TMTC1: variants seen among roughly 807,000 people sequenced by gnomAD.
TMTC1 encodes transmembrane O-mannosyltransferase targeting cadherins 1, also known as protein O-mannosyl-transferase TMTC1.
A neutral mutation model predicts 104.8 loss-of-function variants in TMTC1; 73 were observed. That is an observed-to-expected ratio of 0.70 (90% CI 0.58 to 0.85). The LOEUF (loss-of-function observed/expected upper bound fraction) is 0.85, where lower values mean the gene tolerates loss of function less well. Ranked by LOEUF, TMTC1 falls within the 40% of genes least tolerant of loss-of-function variation. The pLI, the probability that TMTC1 is intolerant of heterozygous loss-of-function variation, is 0.00. For synonymous variants in TMTC1, 434 were observed against 428.7 expected, an observed-to-expected ratio of 1.01 and a Z score of -0.15; for missense variants, 1,035 against 1,096.1, an observed-to-expected ratio of 0.94 and a Z score of 0.79.
At chr12:29,514,114 G>A (rs1428093334) in intron 16 of TMTC1, among the ~76,000 whole-genome samples, 2 of 152,002 alleles carry the variant, frequency 1.3e-5, no homozygotes, top group East Asian at 3.9e-4. Context: ...GTCAAGAGAG[G>A]GCATTTCAAG....
chr12:29,688,815 A>AC (rs1591928278), intron 5 of TMTC1, among the ~76,000 whole-genome samples: 2 of 151,948 alleles, frequency 1.3e-5, no homozygotes, highest in Non-Finnish European at 2.9e-5. Flanking sequence ...TTACAACCCA[A>AC]CCCCCAACCC....
chr12:29,586,677 C>T (rs1946143128), intron 7 of TMTC1, among the ~76,000 whole-genome samples: 1 of 150,408 alleles, frequency 6.6e-6, no homozygotes, highest in Non-Finnish European at 1.5e-5. Context: ...GCCTTTTCTG[C>T]ATCTATTGAG....
At chr12:29,718,233 G>A (rs1942138058) in intron 5 of TMTC1, among the ~76,000 whole-genome samples, 1 of 152,204 alleles carries the variant, frequency 6.6e-6, no homozygotes, top group African/African-American at 2.4e-5. Flanking sequence ...TTGAAGATGG[G>A]AACAGTATGA....
rs573865660 is a variant in TMTC1, at chr12:29,752,777, AAC to A, written c.732-907_732-906del. On this transcript the variant is annotated intron_variant, in intron 4 of 17. Transcript: ENST00000539277. ...TGTAAAGTTTGAAAGTATGTAAAAT[AAC>A]ACTTTTGCTATTCACTAGCATGTGT... 5.9e-5 allele frequency among the ~76,000 whole-genome samples: 9 copies of A among 152,324 alleles called. No individual in the cohort carries two copies. The East Asian group carries it at 1.7e-3, about 29-fold the overall frequency.
At chr12:29,711,212 C>G (rs1941916689) in intron 5 of TMTC1, among the ~76,000 whole-genome samples, 1 of 151,898 alleles carries the variant, frequency 6.6e-6, no homozygotes, top group African/African-American at 2.4e-5. Flanking sequence ...CTCCTGGCCT[C>G]AAGCAATCCT....
chr12:29,532,612 A>G (rs941429617), intron 11 of TMTC1: 2 of 152,278 alleles, frequency 1.3e-5, no homozygotes, highest in African/African-American at 2.4e-5. Context: ...GGATACAAAC[A>G]GTGTATAAAT....
chr12:29,523,546 G>A (rs1479273586), intron 11 of TMTC1, among the ~76,000 whole-genome samples: 2 of 152,194 alleles, frequency 1.3e-5, no homozygotes, highest in African/African-American at 2.4e-5. Flanking sequence ...AATATGTAAG[G>A]AGGCAGTTTT....
intron 2 of TMTC1, among the ~76,000 whole-genome samples, chr12:29,762,560 T>TAC (rs1232383147): frequency 2.0e-5 from 3 of 152,248 alleles, no homozygotes; most frequent in African/African-American, 7.2e-5. Flanking sequence ...AACTCAATTA[T>TAC]ACACACACAG....
chr12:29,698,348 T>G (rs1196155643), intron 5 of TMTC1, among the ~76,000 whole-genome samples: 1 of 152,174 alleles, frequency 6.6e-6, no homozygotes, highest in South Asian at 2.1e-4. Flanking sequence ...GGTTAATGGG[T>G]GATCACTCCT....
intron 5 of TMTC1, among the ~76,000 whole-genome samples, chr12:29,726,572 G>A (rs1450305827): frequency 6.6e-6 from 1 of 152,276 alleles, no homozygotes; most frequent in Non-Finnish European, 1.5e-5. Context: ...TTCTCCAGGA[G>A]GGCAACCAAC....
chr12:29,695,791 TTTTATATATATATATATATA>T (rs1565775539), intron 5 of TMTC1, among the ~76,000 whole-genome samples: 1 of 95,270 alleles, frequency 1.0e-5, no homozygotes, highest in Non-Finnish European at 2.4e-5. Context: ...ACTACTTCCT[TTTTATATATATATATATATA>T]TATATATATA....
chr12:29,514,317 T>TA (rs1943922117), intron 16 of TMTC1, among the ~76,000 whole-genome samples, 165 bp downstream of exon 16: 1 of 152,078 alleles, frequency 6.6e-6, no homozygotes, highest in Admixed American at 6.6e-5. Context: ...TGCTCAATGA[T>TA]AAAAAATAAA....
At chr12:29,549,534 A>T (rs1945039006) in intron 10 of TMTC1, among the ~76,000 whole-genome samples, 1 of 152,168 alleles carries the variant, frequency 6.6e-6, no homozygotes, top group Non-Finnish European at 1.5e-5. Flanking sequence ...CATGTTAGTT[A>T]TGCCTCAATT....
chr12:29,519,959 A>G (rs1161842043), intron 12 of TMTC1: 1 of 152,280 alleles, frequency 6.6e-6, no homozygotes, highest in Non-Finnish European at 1.5e-5. Flanking sequence ...CAGGGCAGCT[A>G]GTCTAGTAAT....
At chr12:29,571,020 G>A (rs1313052500) in intron 9 of TMTC1, among the ~76,000 whole-genome samples, 1 of 151,946 alleles carries the variant, frequency 6.6e-6, no homozygotes, top group East Asian at 1.9e-4. Flanking sequence ...ATGTAACAAT[G>A]ACACTATCAA....
At chr12:29,562,065 A>C (rs1945390359) in intron 9 of TMTC1, among the ~76,000 whole-genome samples, 1 of 152,230 alleles carries the variant, frequency 6.6e-6, no homozygotes, top group African/African-American at 2.4e-5. Context: ...GGCATATTTT[A>C]AGTGCATGAT....
chr12:29,756,329 T>G (rs1451273191), intron 3 of TMTC1, among the ~76,000 whole-genome samples: 1 of 152,188 alleles, frequency 6.6e-6, no homozygotes, highest in Non-Finnish European at 1.5e-5. Context: ...TGAAAAGGGA[T>G]TATAGCGTTG....
At chr12:29,574,542 T>C (rs1280377460) in intron 8 of TMTC1, among the ~76,000 whole-genome samples, 1 of 152,222 alleles carries the variant, frequency 6.6e-6, no homozygotes, top group Non-Finnish European at 1.5e-5. Context: ...CATTTATTTC[T>C]CACAGTTCTG....
intron 11 of TMTC1, among the ~76,000 whole-genome samples, chr12:29,525,309 A>G (rs866856163): frequency 2.0e-5 from 3 of 151,180 alleles, no homozygotes; most frequent in African/African-American, 7.3e-5. Flanking sequence ...CAGCCTCCCA[A>G]TTAGCTGGGA....
Sources: allele counts gnomAD v4.1 joint callset (sites outside exome capture counted in the v4.1 genomes callset), GRCh38; gene constraint gnomAD v4.1.1; transcripts MANE v1.5; gene names NCBI Gene and HGNC (gene_info 2026-07-23, HGNC 2026-07-21).